Variants in NBPF4 observed in about 807,000 individuals in gnomAD.
The protein encoded by NBPF4 is NBPF member 4, also known as NBPF family member NBPF4.
A neutral mutation model predicts 21.1 loss-of-function variants in NBPF4; 11 were observed. The observed-to-expected ratio is 0.52, with a 90% CI of 0.33 to 0.86. The LOEUF (loss-of-function observed/expected upper bound fraction) is 0.86, where lower values mean the gene tolerates loss of function less well. Among genes scored for constraint, NBPF4 ranks in the 40% least tolerant of loss-of-function variants. NBPF4 has a pLI of 0.03. For synonymous variants in NBPF4, 47 were observed against 106.4 expected (o/e 0.44, Z 3.43); for missense variants, 88 against 265.3 (o/e 0.33, Z 4.64).
chr1:108,259,673 G>A, the NBPF4 span, among the ~76,000 whole-genome samples: 1 of 146,466 alleles, frequency 6.8e-6, no homozygotes, highest in South Asian at 2.1e-4. Flanking sequence ...GGGAGTTTGA[G>A]ATGAGCCTGG....
At chr1:108,256,499 TTTC>T in the NBPF4 span, among the ~76,000 whole-genome samples, 67 of 124,272 alleles carry the variant, frequency 5.4e-4, no homozygotes, top group East Asian at 0.014. Context: ...TCTTTCTTTC[TTTC>T]TTTTTTCTCC....
At chr1:108,266,216 A>G in the NBPF4 span, among the ~76,000 whole-genome samples, 1 of 146,128 alleles carries the variant, frequency 6.8e-6, no homozygotes, top group South Asian at 2.2e-4. Flanking sequence ...AAAGAGAGAA[A>G]ATTCAAATAA....
At chr1:108,233,773 T>C (rs541299640) in intron 10 of NBPF4, among the ~76,000 whole-genome samples, 1 of 145,192 alleles carries the variant, frequency 6.9e-6, no homozygotes, top group South Asian at 2.2e-4. Context: ...ATCAAAGACA[T>C]AGAGAATGAG....
chr1:108,224,772 C>T (rs1197851073), intron 14 of NBPF4, among the ~76,000 whole-genome samples: 4 of 143,740 alleles, frequency 2.8e-5, no homozygotes, highest in Non-Finnish European at 6.1e-5. Flanking sequence ...TACAGTCTCC[C>T]GTCCCGCTTA....
chr1:108,265,063 C>T, the NBPF4 span, among the ~76,000 whole-genome samples: 2 of 152,144 alleles, frequency 1.3e-5, no homozygotes, highest in African/African-American at 4.8e-5. Context: ...AACTAAAGAG[C>T]TTCTGCACAG....
rs2101668561 is a variant in NBPF4, at chr1:108,223,577, A to G, written c.*128T>C. ...AGGAGCATAGTGGCTTGAAGTCATC[A>G]AGAGTATTCTGTGTCTGAAATTCAA... On this transcript the variant is annotated 3_prime_UTR_variant, in exon 15 of 15. Transcript: ENST00000415641. The G allele has an allele frequency of 2.5e-6, 2 of 804,148 alleles. No individual in the cohort carries two copies. The highest frequency in any genetic ancestry group is 5.3e-5 in the East Asian group (2 of 37,878). The allele number at this position is 804,148 out of a possible 1,614,324, so 49.8% of individuals were successfully genotyped here.
chr1:108,245,884 G>A (rs1434626690), upstream of NBPF4, among the ~76,000 whole-genome samples: 1 of 91,490 alleles, frequency 1.1e-5, no homozygotes, highest in Non-Finnish European at 2.1e-5. Context: ...CTTCAGCATT[G>A]GGACCGAAAT....
chr1:108,268,743 T>C, the NBPF4 span, among the ~76,000 whole-genome samples: 1 of 146,718 alleles, frequency 6.8e-6, no homozygotes, highest in Non-Finnish European at 1.5e-5. Flanking sequence ...AATTTGAGAA[T>C]TTAAGGTAGC....
upstream of NBPF4, among the ~76,000 whole-genome samples, chr1:108,245,661 C>CA (rs1246207235): frequency 1.2e-5 from 1 of 81,612 alleles, no homozygotes; most frequent in Non-Finnish European, 2.3e-5. Flanking sequence ...CAAAACTGTA[C>CA]ACATACTTGG....
rs1219844758 is a variant in NBPF4, at chr1:108,226,359, C to T, written c.1875+320G>A. ...AATTTCCCAAAGGAGTGTGTGATTC[C>T]GGGCAAACAACCCTGTGTTCAGCAG... On this transcript the variant is annotated intron_variant, in intron 14 of 14. Coordinates refer to ENST00000415641, the MANE Select transcript of NBPF4 (RefSeq NM_001143989.3). Among the ~76,000 whole-genome samples the T allele has an allele frequency of 4.0e-5, 6 of 151,084 alleles. No individual in the cohort carries two copies. The East Asian group carries it at 7.7e-4, about 19-fold the overall frequency.
upstream of NBPF4, among the ~76,000 whole-genome samples, chr1:108,246,246 A>G (rs1325669662): frequency 7.9e-6 from 1 of 126,398 alleles, no homozygotes; most frequent in Non-Finnish European, 1.7e-5. Context: ...CTTCACTTCC[A>G]CATGAATGCT....
At chr1:108,241,422 G>A (rs1233631747) in intron 3 of NBPF4, among the ~76,000 whole-genome samples, 5 of 146,226 alleles carry the variant, frequency 3.4e-5, no homozygotes, top group Non-Finnish European at 7.5e-5. Flanking sequence ...ACAGCCTTCT[G>A]ATATATGAGA....
chr1:108,226,256 C>A (rs1649468958), intron 14 of NBPF4, among the ~76,000 whole-genome samples: 1 of 151,372 alleles, frequency 6.6e-6, no homozygotes, highest in South Asian at 2.1e-4. Context: ...AGAGGAAAAT[C>A]TTCATGTAAA....
chr1:108,256,527 C>G, the NBPF4 span, among the ~76,000 whole-genome samples: 1 of 83,594 alleles, frequency 1.2e-5, no homozygotes, highest in Non-Finnish European at 2.2e-5. Flanking sequence ...CTCTTTCTCT[C>G]CCTCCCCTCC....
At position 108,222,650 on chromosome 1, in the gene NBPF4, T is replaced by C. The variant is rs558612148; in HGVS notation, c.*1055A>G. Among the ~76,000 whole-genome samples, 1 of 152,298 alleles carries C rather than the reference T, an allele frequency of 6.6e-6. No homozygotes were observed. Among genetic ancestry groups the C allele is most frequent in the Non-Finnish European group, 1.5e-5 (1 of 68,028 alleles). ...TAAAATTTGGGCAGGGAATGATCTT[T>C]TTTACAAAGAATGCCAGCAAAAGCA... On this transcript the variant is annotated 3_prime_UTR_variant, in exon 15 of 15. Transcript: ENST00000415641.
At chr1:108,247,480 C>T (rs1295891729), upstream of NBPF4, among the ~76,000 whole-genome samples, 3 of 151,916 alleles carry the variant, frequency 2.0e-5, no homozygotes, top group African/African-American at 7.2e-5. Flanking sequence ...TACCACGGAC[C>T]TTACAGTTTA....
chr1:108,222,524 T>C lies in NBPF4; in HGVS notation c.*1181A>G, dbSNP rs1649333436. Among the ~76,000 whole-genome samples the C allele has an allele frequency of 6.6e-6, 1 of 152,220 alleles. No homozygotes were observed. Among genetic ancestry groups the C allele is most frequent in the South Asian group, 2.1e-4 (1 of 4,830 alleles). On this transcript the variant is annotated 3_prime_UTR_variant, in exon 15 of 15. Coordinates refer to ENST00000415641, the MANE Select transcript of NBPF4 (RefSeq NM_001143989.3). ...AAATTTAAAATTTTAACTGATGGAC[T>C]AAAATTAATTTTGGATGAAAGTTAT...
chr1:108,247,516 C>A (rs1219775484), upstream of NBPF4, among the ~76,000 whole-genome samples: 1 of 152,252 alleles, frequency 6.6e-6, no homozygotes, highest in African/African-American at 2.4e-5. Context: ...TTGCTGATGA[C>A]AAAACCAAGG....
Position 108,223,019 on chromosome 1 carries a change from A to T in NBPF4, c.*686T>A, listed in dbSNP as rs1463763794. On this transcript the variant is annotated 3_prime_UTR_variant, in exon 15 of 15. Transcript: ENST00000415641. ...CAAAATGTTTAGGCTGAATTTAATCATGACGACATTTTCAGATAACTTCAG... is the reference window on the plus strand; with the variant it reads ...CAAAATGTTTAGGCTGAATTTAATCTTGACGACATTTTCAGATAACTTCAG... Among the ~76,000 whole-genome samples the T allele has an allele frequency of 6.6e-6, 1 of 152,136 alleles. No homozygotes were observed. The highest frequency in any genetic ancestry group is 1.9e-4 in the East Asian group (1 of 5,154).
Sources: gnomAD v4.1 joint callset for allele counts (sites outside exome capture counted in the v4.1 genomes callset) on GRCh38, gnomAD v4.1.1 for gene constraint, MANE v1.5 for transcripts, NCBI Gene and HGNC (gene_info 2026-07-23, HGNC 2026-07-21) for gene names.